VSTM2L: variants seen among roughly 807,000 people sequenced by gnomAD.
VSTM2L encodes the protein V-set and transmembrane domain containing 2 like.
A neutral mutation model predicts 19.9 loss-of-function variants in VSTM2L; 9 were observed. That is an observed-to-expected ratio of 0.45 (90% CI 0.27 to 0.79). VSTM2L has a LOEUF of 0.79. Among genes scored for constraint, VSTM2L ranks in the 30% least tolerant of loss-of-function variants. VSTM2L has a pLI of 0.15. For missense variants in VSTM2L, 286 were observed against 295.5 expected, an observed-to-expected ratio of 0.97 and a Z score of 0.24; for synonymous variants, 127 against 133.8, an observed-to-expected ratio of 0.95 and a Z score of 0.35.
intron 1 of VSTM2L, among the ~76,000 whole-genome samples, chr20:37,924,777 A>C (rs2072871086): frequency 6.6e-6 from 1 of 152,080 alleles, no homozygotes; most frequent in South Asian, 2.1e-4. Context: ...AGAGGGAGGA[A>C]GACCCTGTTG....
intron 3 of VSTM2L, among the ~76,000 whole-genome samples, chr20:37,938,723 A>G: frequency 6.6e-6 from 1 of 152,180 alleles, no homozygotes; most frequent in Middle Eastern, 3.2e-3. Flanking sequence ...TGCGGAGGTG[A>G]TTATGATTTA....
chr20:37,911,254 A>AG lies in VSTM2L; in HGVS notation c.121+7783_121+7784insG. The stretch of plus-strand genomic sequence containing the variant: ...CCATCTCAAAAAAAAAAAAAAAAAA[A>AG]AAAAAGCTGGGATGATATTAAACAC... On this transcript the variant is annotated intron_variant, in intron 1 of 3. Coordinates refer to ENST00000373461, the MANE Select transcript of VSTM2L (RefSeq NM_080607.3). 1.3e-5 allele frequency among the ~76,000 whole-genome samples: 2 copies of AG among 150,210 alleles called. 1 individual carries two copies. The highest frequency in any genetic ancestry group is 5.0e-5 in the African/African-American group (2 of 40,240).
intron 3 of VSTM2L, among the ~76,000 whole-genome samples, chr20:37,940,429 G>A (rs1305280661): frequency 6.6e-6 from 1 of 152,248 alleles, no homozygotes; most frequent in Non-Finnish European, 1.5e-5. Flanking sequence ...GGGCAGCAGG[G>A]AAGGCTCAGC....
At chr20:37,929,860 G>A (rs574964063) in intron 1 of VSTM2L, among the ~76,000 whole-genome samples, 2 of 152,254 alleles carry the variant, frequency 1.3e-5, no homozygotes, top group East Asian at 3.9e-4. Context: ...GGAAGGAGGG[G>A]GTGGCCCTCA....
At position 37,944,357 on chromosome 20, in the gene VSTM2L, C is replaced by A. The variant is rs1415088786; in HGVS notation, c.*104C>A. Reference sequence around the variant, plus strand: ...CTGCCTGCGTCCAGCCGCGCCCCATCCCCGAGGCCGCCTGTGGCCACCATG... The same window carrying A: ...CTGCCTGCGTCCAGCCGCGCCCCATACCCGAGGCCGCCTGTGGCCACCATG... On this transcript the variant is annotated 3_prime_UTR_variant, in exon 4 of 4. Transcript: ENST00000373461. 4 of 1,284,604 alleles carry A rather than the reference C, an allele frequency of 3.1e-6. No individual in the cohort carries two copies. Among genetic ancestry groups the A allele is most frequent in the Middle Eastern group, 2.9e-4 (1 of 3,474 alleles). 79.6% of individuals were successfully genotyped at this position (1,284,604 alleles called of 1,614,324 possible).
In VSTM2L at chr20:37,945,337, C is replaced by T. The variant is rs1394116417; in HGVS notation, c.*1084C>T. On this transcript the variant is annotated 3_prime_UTR_variant, in exon 4 of 4. Coordinates refer to ENST00000373461, the MANE Select transcript of VSTM2L (RefSeq NM_080607.3). Reference sequence around the variant, plus strand: ...TGACTACCAGCCAACCTGAATAAAGCGGTTTTAAAAAAACCTCTGGGCAGT... The same window carrying T: ...TGACTACCAGCCAACCTGAATAAAGTGGTTTTAAAAAAACCTCTGGGCAGT... 11 of 953,256 alleles carry T rather than the reference C, an allele frequency of 1.2e-5. No individual in the cohort carries two copies. Among genetic ancestry groups the T allele is most frequent in the African/African-American group, 1.8e-5 (1 of 56,510 alleles). The allele number at this position is 953,256 out of a possible 1,614,324, so 59.0% of individuals were successfully genotyped here.
intron 1 of VSTM2L, among the ~76,000 whole-genome samples, chr20:37,904,343 G>A (rs1387613079): frequency 2.0e-5 from 3 of 152,304 alleles, no homozygotes; most frequent in Non-Finnish European, 2.9e-5. Flanking sequence ...CCTCATCCTC[G>A]GCCCTAGAGG....
chr20:37,934,544 T>G (rs2072928821), intron 3 of VSTM2L, among the ~76,000 whole-genome samples: 1 of 152,234 alleles, frequency 6.6e-6, no homozygotes, highest in African/African-American at 2.4e-5. Flanking sequence ...TGTGTTTGTG[T>G]GTCCTCGCAT....
chr20:37,936,051 A>ATTTTTTTT (rs5841281), intron 3 of VSTM2L, among the ~76,000 whole-genome samples: 1 of 138,922 alleles, frequency 7.2e-6, no homozygotes, highest in African/African-American at 2.7e-5. Flanking sequence ...TACCTAGCTA[A>ATTTTTTTT]TTTTTTTTTT....
chr20:37,920,663 C>A lies in VSTM2L; in HGVS notation c.122-10972C>A, dbSNP rs137868181. ...TGGGGAGGAGGCCGGCCTGCCAAGC[C>A]TCACTTAGGACCTCCCTGCTTATGC... On this transcript the variant is annotated intron_variant, in intron 1 of 3. Coordinates refer to ENST00000373461, the MANE Select transcript of VSTM2L (RefSeq NM_080607.3). Among the ~76,000 whole-genome samples the A allele has an allele frequency of 2.0e-5, 3 of 152,336 alleles. No individual in the cohort carries two copies. The East Asian group carries it at 5.8e-4, about 29-fold the overall frequency.
chr20:37,933,643 A>G, intron 3 of VSTM2L, 54 bp downstream of exon 3: 1 of 1,591,686 alleles, frequency 6.3e-7, no homozygotes, highest in Non-Finnish European at 8.6e-7. Context: ...CACAGCTGTG[A>G]CTTAAAAAAA....
rs552039825 is a variant in VSTM2L, at chr20:37,906,094, C to T, written c.121+2623C>T. ...AAGCAGGGGCTCCTGGGGAGGGGCACATTGACCCCAAGTGCTTGGTGGCTG... is the reference window on the plus strand; with the variant it reads ...AAGCAGGGGCTCCTGGGGAGGGGCATATTGACCCCAAGTGCTTGGTGGCTG... On this transcript the variant is annotated intron_variant, in intron 1 of 3. Transcript: ENST00000373461. 5.9e-5 allele frequency among the ~76,000 whole-genome samples: 9 copies of T among 152,026 alleles called. No homozygotes were observed. The South Asian group carries it at 1.7e-3, about 28-fold the overall frequency.
chr20:37,931,710 G>T lies in VSTM2L; in HGVS notation c.197G>T (p.Gly66Val), dbSNP rs769601452. The change falls in exon 2 of 4, where the codon GGC becomes GTC. Residue 66 changes from glycine to valine, a missense_variant. Gly to Val is a moderately radical substitution (Grantham distance 109). Coordinates refer to ENST00000373461, the MANE Select transcript of VSTM2L (RefSeq NM_080607.3). ...EDVEMACSFR[G>V]SGSPSYSLEI... The stretch of plus-strand genomic sequence containing the variant: ...GTGGAGATGGCCTGCTCCTTCCGCG[G>T]CAGCGGCTCCCCCTCCTACTCGCTG... 2.5e-6 allele frequency: 4 copies of T among 1,613,590 alleles called. No homozygotes were observed. Among genetic ancestry groups the T allele is most frequent in the Non-Finnish European group, 3.4e-6 (4 of 1,180,036 alleles).
At position 37,903,397 on chromosome 20, in the gene VSTM2L, C is replaced by T; in HGVS notation, c.47C>T (p.Ala16Val). Reference sequence around the variant, plus strand: ...GCGCTGGGCGCCCTCCACTACCTGGCACTTTTCCTGCAACTCGGCGGCGCC... The same window carrying T: ...GCGCTGGGCGCCCTCCACTACCTGGTACTTTTCCTGCAACTCGGCGGCGCC... Reference protein sequence around the residue: ...AVALGALHYLALFLQLGGATR... With the variant: ...AVALGALHYLVLFLQLGGATR... The change falls in exon 1 of 4, where the codon GCA becomes GTA. Residue 16 changes from alanine (A) to valine (V), a missense_variant. Transcript: ENST00000373461. 2.0e-6 allele frequency: 3 copies of T among 1,490,976 alleles called. No individual in the cohort carries two copies. Among genetic ancestry groups the T allele is most frequent in the Non-Finnish European group, 2.7e-6 (3 of 1,126,690 alleles). 92.4% of individuals were successfully genotyped at this position (1,490,976 alleles called of 1,614,324 possible).
chr20:37,938,116 TGG>T, intron 3 of VSTM2L, among the ~76,000 whole-genome samples: 1 of 151,128 alleles, frequency 6.6e-6, no homozygotes, highest in South Asian at 2.1e-4. Flanking sequence ...GCTGGGGTGA[TGG>T]CCTGGGTGGG....
At chr20:37,907,518 C>G (rs2072757265) in intron 1 of VSTM2L, among the ~76,000 whole-genome samples, 1 of 152,154 alleles carries the variant, frequency 6.6e-6, no homozygotes, top group Non-Finnish European at 1.5e-5. Context: ...CAGGAAATGT[C>G]TGACGCTATG....
intron 1 of VSTM2L, among the ~76,000 whole-genome samples, chr20:37,903,722 C>T (rs2072735424): frequency 6.6e-6 from 1 of 152,226 alleles, no homozygotes; most frequent in Non-Finnish European, 1.5e-5. Context: ...CACCGATATG[C>T]ACAGCCGCGG....
At chr20:37,928,850 A>G (rs1311212459) in intron 1 of VSTM2L, among the ~76,000 whole-genome samples, 1 of 152,204 alleles carries the variant, frequency 6.6e-6, no homozygotes, top group African/African-American at 2.4e-5. Context: ...TAAAATAGGC[A>G]TATTAGCTGT....
intron 1 of VSTM2L, among the ~76,000 whole-genome samples, chr20:37,904,372 T>C (rs374616191): frequency 3.9e-4 from 59 of 152,306 alleles, no homozygotes; most frequent in East Asian, 2.3e-3. Context: ...GTGGGAAATC[T>C]CAACTCCAGC....
Sources: gnomAD v4.1 joint callset for allele counts (sites outside exome capture counted in the v4.1 genomes callset) on GRCh38, gnomAD v4.1.1 for gene constraint, MANE v1.5 for transcripts, NCBI Gene and HGNC (gene_info 2026-07-23, HGNC 2026-07-21) for gene names.